CRYL1: variants seen among roughly 807,000 people sequenced by gnomAD.
CRYL1 encodes the protein crystallin lambda 1.
CRYL1 carries 29 observed loss-of-function variants against 36.6 expected under a neutral mutation model. The ratio of observed to expected loss-of-function variants is 0.79; its 90% CI spans 0.59 to 1.08. The LOEUF (loss-of-function observed/expected upper bound fraction) is 1.08. Among genes scored for constraint, CRYL1 ranks in the 50% least tolerant of loss-of-function variants. The pLI is 0.00. For missense variants in CRYL1, 411 were observed against 407.9 expected (o/e 1.01, Z -0.06); for synonymous variants, 152 against 151.5 (o/e 1.00, Z -0.02).
intron 3 of CRYL1, chr13:20,476,794 T>G (rs933598505): frequency 2.0e-5 from 3 of 152,250 alleles, no homozygotes; most frequent in African/African-American, 7.2e-5. Flanking sequence ...GAGGCCAAGC[T>G]GGAGGATTGT....
chr13:20,511,861 C>T (rs1240788264), intron 2 of CRYL1, among the ~76,000 whole-genome samples: 1 of 152,186 alleles, frequency 6.6e-6, no homozygotes, highest in Non-Finnish European at 1.5e-5. Flanking sequence ...AACAGCCCTC[C>T]GCATTCTTAG....
chr13:20,496,445 A>T (rs2033606003), intron 2 of CRYL1, among the ~76,000 whole-genome samples: 1 of 152,198 alleles, frequency 6.6e-6, no homozygotes, highest in Non-Finnish European at 1.5e-5. Flanking sequence ...AAGCTCATAG[A>T]TTTTACAGAA....
intron 4 of CRYL1, among the ~76,000 whole-genome samples, chr13:20,436,405 G>A (rs1312124986): frequency 6.6e-6 from 1 of 152,232 alleles, no homozygotes; most frequent in Non-Finnish European, 1.5e-5. Flanking sequence ...GACTGAGACT[G>A]CAGTGCAACA....
intron 5 of CRYL1, among the ~76,000 whole-genome samples, chr13:20,427,735 T>G (rs923474705): frequency 1.3e-4 from 3 of 23,176 alleles, no homozygotes; most frequent in Non-Finnish European, 3.8e-4. Flanking sequence ...AAAAAGTTGC[T>G]CCTCAAAAAA....
Position 20,472,493 on chromosome 13 carries a change from C to G in CRYL1, c.276+16877G>C, listed in dbSNP as rs138665152. ...CGTAGCCATTTCCTCCTCAATACAG[C>G]CTTAGGGGGTGGTTTCTAATATTAT... On this transcript the variant is annotated intron_variant, in intron 3 of 7. Coordinates refer to ENST00000298248, the MANE Select transcript of CRYL1 (RefSeq NM_015974.3). Among the ~76,000 whole-genome samples the G allele has an allele frequency of 2.6e-3, 391 of 152,216 alleles. 3 individuals are homozygous for G. The highest frequency in any genetic ancestry group is 9.0e-3 in the African/African-American group (375 of 41,514).
At chr13:20,512,836 G>A (rs1008030426) in intron 1 of CRYL1, among the ~76,000 whole-genome samples, 3 of 152,116 alleles carry the variant, frequency 2.0e-5, no homozygotes, top group Admixed American at 1.3e-4. Context: ...GTGAGTGGGT[G>A]CAAACATACA....
At chr13:20,519,734 G>C (rs931087347) in intron 1 of CRYL1, among the ~76,000 whole-genome samples, 3 of 152,086 alleles carry the variant, frequency 2.0e-5, no homozygotes, top group Non-Finnish European at 4.4e-5. Context: ...AGAGAGGGAT[G>C]AACAATCTAT....
chr13:20,499,253 A>G (rs1330478340), intron 2 of CRYL1, among the ~76,000 whole-genome samples: 1 of 150,710 alleles, frequency 6.6e-6, no homozygotes, highest in African/African-American at 2.4e-5. Flanking sequence ...GGCTGAGGTT[A>G]GAGGATTGCT....
In CRYL1 at chr13:20,456,675, A is replaced by ACACC. The variant is rs1312980181; in HGVS notation, c.277-16925_277-16922dup. Among the ~76,000 whole-genome samples, 9 of 148,748 alleles carry ACACC rather than the reference A, an allele frequency of 6.1e-5. No homozygotes were observed. The East Asian group carries it at 1.8e-3, about 29-fold the overall frequency. On this transcript the variant is annotated intron_variant, in intron 3 of 7. Coordinates refer to ENST00000298248, the MANE Select transcript of CRYL1 (RefSeq NM_015974.3). Reference sequence around the variant, plus strand: ...TCTTAAAACACACACACACACACACACACCCCAGAATGCCCTTCTTAGCAA... The same window carrying ACACC: ...TCTTAAAACACACACACACACACACACACCCACCCCAGAATGCCCTTCTTAGCAA...
intron 3 of CRYL1, among the ~76,000 whole-genome samples, chr13:20,441,647 A>C (rs1013524034): frequency 6.6e-6 from 1 of 152,244 alleles, no homozygotes; most frequent in Non-Finnish European, 1.5e-5. Context: ...TGTGAAATTC[A>C]ATGCTGAAGT....
Position 20,404,258 on chromosome 13 carries a change from G to C in CRYL1, c.847-16C>G. The C allele has an allele frequency of 6.8e-7, 1 of 1,466,578 alleles. No individual in the cohort carries two copies. Among genetic ancestry groups the C allele is most frequent in the East Asian group, 2.3e-5 (1 of 44,182 alleles). The allele number at this position is 1,466,578 out of a possible 1,614,324, so 90.8% of individuals were successfully genotyped here. A position where few individuals can be genotyped will look rare whatever the true frequency, so the allele number is the denominator to read the frequency against. ...TGCACATGTCCTGCAAGAAGGAGAAGGAAAAAAAAGGACAATAAAGAGGAA... is the reference window on the plus strand; with the variant it reads ...TGCACATGTCCTGCAAGAAGGAGAACGAAAAAAAAGGACAATAAAGAGGAA... On this transcript the variant is annotated splice_polypyrimidine_tract_variant and intron_variant, in intron 7 of 7. Transcript: ENST00000298248.
At chr13:20,470,910 C>CAAAAAAAAAAAAAAAAAAAAAAAAAAAAA (rs11353451) in intron 3 of CRYL1, among the ~76,000 whole-genome samples, 1 of 40,906 alleles carries the variant, frequency 2.4e-5, no homozygotes, top group African/African-American at 8.7e-5. Context: ...AACTCCATCT[C>CAAAAAAAAAAAAAAAAAAAAAAAAAAAAA]AAAAAAAAAA....
chr13:20,509,763 A>G lies in CRYL1; in HGVS notation c.149+2680T>C, dbSNP rs182875139. 1.6e-3 allele frequency among the ~76,000 whole-genome samples: 240 copies of G among 152,266 alleles called. 1 individual carries two copies. Among genetic ancestry groups the G allele is most frequent in the Non-Finnish European group, 2.1e-3 (144 of 68,014 alleles). On this transcript the variant is annotated intron_variant, in intron 2 of 7. Transcript: ENST00000298248. ...GTCAATGTGGTGAAAACCTATCTCT[A>G]CTAAAAATACAAAAAAATTAGCTGG...
chr13:20,405,433 G>T (rs1236816311), intron 6 of CRYL1, among the ~76,000 whole-genome samples: 1 of 152,224 alleles, frequency 6.6e-6, no homozygotes, highest in African/African-American at 2.4e-5. Flanking sequence ...GGTGTACAAG[G>T]TTATTTGTGT....
At chr13:20,431,424 G>A in intron 5 of CRYL1, 1 of 985,430 alleles carries the variant, frequency 1.0e-6, no homozygotes, top group Non-Finnish European at 1.2e-6. Flanking sequence ...GTGCCATAAG[G>A]GAGGCCGGAC....
chr13:20,407,375 C>T (rs2031405151), intron 6 of CRYL1, among the ~76,000 whole-genome samples: 1 of 152,010 alleles, frequency 6.6e-6, no homozygotes. Context: ...TTATTTACAA[C>T]CATGTCCCAG....
chr13:20,502,899 G>C (rs1402399929), intron 2 of CRYL1, among the ~76,000 whole-genome samples: 4 of 152,176 alleles, frequency 2.6e-5, no homozygotes, highest in Admixed American at 6.5e-5. Context: ...CAATTCTTGA[G>C]TCCAATCCTT....
intron 4 of CRYL1, among the ~76,000 whole-genome samples, chr13:20,438,947 C>A (rs192277952): frequency 6.6e-6 from 1 of 152,250 alleles, no homozygotes; most frequent in East Asian, 1.9e-4. Context: ...AGTGCTTGCA[C>A]GCCAATCTGA....
intron 1 of CRYL1, among the ~76,000 whole-genome samples, chr13:20,517,312 T>A (rs941834749): frequency 6.6e-6 from 1 of 152,100 alleles, no homozygotes; most frequent in East Asian, 1.9e-4. Flanking sequence ...GATTTTGAAA[T>A]CTTTATGGCC....
Sources: gnomAD v4.1 joint callset for allele counts (sites outside exome capture counted in the v4.1 genomes callset) on GRCh38, gnomAD v4.1.1 for gene constraint, MANE v1.5 for transcripts, NCBI Gene and HGNC (gene_info 2026-07-23, HGNC 2026-07-21) for gene names.